Variants in CKMT2 observed in about 807,000 individuals in gnomAD.
CKMT2 encodes creatine kinase S-type, mitochondrial.
CKMT2 carries 43 observed loss-of-function variants against 48.9 expected under a neutral mutation model. The observed-to-expected ratio is 0.88, with a 90% CI of 0.69 to 1.13. CKMT2 has a LOEUF of 1.13. Among genes scored for constraint, CKMT2 ranks in the 50% most tolerant of loss-of-function variants. The probability of loss-of-function intolerance (pLI) is 0.00; values close to 1 mark genes in which losing one functional copy is unlikely to be tolerated. For missense variants in CKMT2, 472 were observed against 555.4 expected (o/e 0.85, Z 1.51); for synonymous variants, 206 against 213.0 (o/e 0.97, Z 0.29).
chr5:81,259,264 T>A lies in CKMT2; in HGVS notation c.1014+10T>A. 6.2e-7 allele frequency: 1 copy of A among 1,610,290 alleles called. No individual in the cohort carries two copies. Among genetic ancestry groups the A allele is most frequent in the Non-Finnish European group, 8.5e-7 (1 of 1,178,084 alleles). Reference sequence around the variant, plus strand: ...CCCAAAGCTCAGCAAGGTACTGTTATGTGCCCAGTGGCCCTGATGGGCCAG... The same window carrying A: ...CCCAAAGCTCAGCAAGGTACTGTTAAGTGCCCAGTGGCCCTGATGGGCCAG... On this transcript the variant is annotated intron_variant, in intron 8 of 9. Transcript: ENST00000254035.
Position 81,254,413 on chromosome 5 carries a change from T to G in CKMT2, c.369T>G (p.Phe123Leu). 6.2e-7 allele frequency: 1 copy of G among 1,614,110 alleles called. No individual in the cohort carries two copies. Among genetic ancestry groups the G allele is most frequent in the East Asian group, 2.2e-5 (1 of 44,882 alleles). ...TCCTGCAGGTGTTTGCTGACCTTTT[T>G]GACCCCGTCATCAAACTAAGACACA... is the stretch of plus-strand genomic sequence containing the variant. ...EESYEVFADLFDPVIKLRHNG... is the reference protein window; with the variant it reads ...EESYEVFADLLDPVIKLRHNG... The change falls in exon 4 of 10, where the codon TTT becomes TTG. Residue 123 changes from phenylalanine to leucine, a missense_variant. By Grantham distance (22) the Phe-to-Leu change is conservative. Transcript: ENST00000254035.
chr5:81,254,728 C>G (rs1756937582), intron 4 of CKMT2: 1 of 595,462 alleles, frequency 1.7e-6, no homozygotes, highest in Non-Finnish European at 3.0e-6. Flanking sequence ...TTAAACCTTT[C>G]CTAAAGCTAC....
At chr5:81,257,668 T>A (rs973974612) in intron 6 of CKMT2, 65 bp from the exon 7 acceptor site, 2 of 1,470,714 alleles carry the variant, frequency 1.4e-6, no homozygotes, top group African/African-American at 2.8e-5. Context: ...AGGGAGGTAA[T>A]GGGAATTTTC....
chr5:81,234,305 T>A (rs1388786600), intron 1 of CKMT2, among the ~76,000 whole-genome samples: 1 of 151,892 alleles, frequency 6.6e-6, no homozygotes, highest in East Asian at 1.9e-4. Context: ...GTCAGCTGAG[T>A]CAAGTGAGGG....
In CKMT2 at chr5:81,254,401, T is replaced by G; in HGVS notation, c.357T>G (p.Phe119Leu). 6.2e-7 allele frequency: 1 copy of G among 1,614,086 alleles called. No homozygotes were observed. Among genetic ancestry groups the G allele is most frequent in the Non-Finnish European group, 8.5e-7 (1 of 1,179,936 alleles). ...VAGDEESYEV[F>L]ADLFDPVIKL... ...ACCCATCTTCCCTCCTGCAGGTGTT[T>G]GCTGACCTTTTTGACCCCGTCATCA... The change falls in exon 4 of 10, where the codon TTT becomes TTG. Residue 119 changes from phenylalanine (F) to leucine (L), a missense_variant. By Grantham distance (22) the Phe-to-Leu change is conservative. Transcript: ENST00000254035.
At chr5:81,242,877 T>C (rs1212367156) in intron 1 of CKMT2, among the ~76,000 whole-genome samples, 1 of 152,198 alleles carries the variant, frequency 6.6e-6, no homozygotes, top group African/African-American at 2.4e-5. Flanking sequence ...GTGTGGGAAT[T>C]GTTTTCTGAA....
Position 81,257,841 on chromosome 5 carries a change from T to G in CKMT2, c.864T>G (p.Cys288Trp). ...TGAAACGAGTATTTGAGCGATTCTG[T>G]CGTGGACTAAAAGAAGTAAGATGTT... ...GNMKRVFERF[C>W]RGLKEVERLI... The change falls in exon 7 of 10, where the codon TGT becomes TGG. Residue 288 changes from cysteine to tryptophan, a missense_variant. Physicochemically the swap from Cys to Trp is radical, Grantham distance 215. Transcript: ENST00000254035. 7 of 1,613,270 alleles carry G rather than the reference T, an allele frequency of 4.3e-6. No individual in the cohort carries two copies. The highest frequency in any genetic ancestry group is 5.9e-6 in the Non-Finnish European group (7 of 1,179,550).
At position 81,251,283 on chromosome 5, in the gene CKMT2, A is replaced by C; in HGVS notation, c.151A>C (p.Ser51Arg). ...GGAGCAGCCTAGGCTATTTCCTCCA[A>C]GGTAAGGGCTCCTGACTTTAAAATA... The part of the protein sequence containing the change: ...VREQPRLFPP[S>R]ADYPDLRKHN... The change falls in exon 2 of 10, where the codon AGC becomes CGC. Residue 51 changes from serine (S) to arginine (R), a missense_variant and splice_region_variant. Coordinates refer to ENST00000254035, the MANE Select transcript of CKMT2 (RefSeq NM_001099735.2). 1.9e-6 allele frequency: 3 copies of C among 1,613,772 alleles called. No homozygotes were observed. Among genetic ancestry groups the C allele is most frequent in the Non-Finnish European group, 1.7e-6 (2 of 1,179,904 alleles).
chr5:81,263,875 G>A (rs1327246554), intron 9 of CKMT2, among the ~76,000 whole-genome samples: 5 of 152,216 alleles, frequency 3.3e-5, no homozygotes, highest in Non-Finnish European at 7.3e-5. Context: ...GACCTGCCAT[G>A]AGAGCTATTC....
Position 81,251,093 on chromosome 5 carries a change from C to A in CKMT2, c.-20-20C>A, listed in dbSNP as rs1181980477. The stretch of plus-strand genomic sequence containing the variant: ...GGGTCATCCTATGAAGCTATCTAAT[C>A]CAGCTTCTTTGCTTTCCAGACACTC... On this transcript the variant is annotated intron_variant, in intron 1 of 9. Coordinates refer to ENST00000254035, the MANE Select transcript of CKMT2 (RefSeq NM_001099735.2). 1.9e-6 allele frequency: 3 copies of A among 1,604,976 alleles called. No homozygotes were observed. The highest frequency in any genetic ancestry group is 3.3e-5 in the Admixed American group (2 of 59,804).
At chr5:81,266,058 T>TATCA in intron 9 of CKMT2, 81 bp from the exon 10 acceptor site, 1 of 1,312,282 alleles carries the variant, frequency 7.6e-7, no homozygotes, top group Admixed American at 2.0e-5. Context: ...AGTTCTCATT[T>TATCA]ATCACAGTGC....
rs1756800926 is a variant in CKMT2, at chr5:81,251,201, C to A, written c.69C>A (p.Thr23=). The A allele has an allele frequency of 6.2e-7, 1 of 1,613,980 alleles. No individual in the cohort carries two copies. The highest frequency in any genetic ancestry group is 8.5e-7 in the Non-Finnish European group (1 of 1,180,014). ...CTCTGCTGTTTGCTACCATGGGCAC[C>A]AGTGTCCTGACCACCGGGTACCTGC... The part of the protein sequence containing the change: ...NASLLFATMG[T]SVLTTGYLLN... The change falls in exon 2 of 10, where the codon ACC becomes ACA. Residue 23 remains threonine (T), a synonymous_variant. Coordinates refer to ENST00000254035, the MANE Select transcript of CKMT2 (RefSeq NM_001099735.2).
chr5:81,266,372 C>G lies in CKMT2; in HGVS notation c.*114C>G. ...ATATAAAATTGTAGATCCTGCCTAT[C>G]TTTACAATAAAACTCTCCTTAATAT... On this transcript the variant is annotated 3_prime_UTR_variant, in exon 10 of 10. Transcript: ENST00000254035. The G allele has an allele frequency of 9.9e-7, 1 of 1,008,570 alleles. No individual in the cohort carries two copies. Among genetic ancestry groups the G allele is most frequent in the Non-Finnish European group, 1.4e-6 (1 of 692,398 alleles). The allele number at this position is 1,008,570 out of a possible 1,614,324, so 62.5% of individuals were successfully genotyped here.
intron 1 of CKMT2, among the ~76,000 whole-genome samples, chr5:81,242,950 G>A (rs1202402925): frequency 6.6e-6 from 1 of 152,200 alleles, no homozygotes; most frequent in African/African-American, 2.4e-5. Context: ...CAAACATTTT[G>A]TGACTCTGAC....
intron 8 of CKMT2, among the ~76,000 whole-genome samples, chr5:81,260,238 A>G (rs1757166532): frequency 6.6e-6 from 1 of 152,220 alleles, no homozygotes; most frequent in Non-Finnish European, 1.5e-5. Context: ...AGGGAAATTT[A>G]TAGCAGCAAA....
At chr5:81,257,933 A>ATGGTAACTTCC in intron 7 of CKMT2, 77 bp downstream of exon 7, 1 of 1,408,852 alleles carries the variant, frequency 7.1e-7, no homozygotes, top group Non-Finnish European at 9.5e-7. Flanking sequence ...AGAAGACACT[A>ATGGTAACTTCC]TGGTAACTTC....
At chr5:81,236,202 G>A (rs1756238940) in intron 1 of CKMT2, 1 of 152,236 alleles carries the variant, frequency 6.6e-6, no homozygotes, top group Admixed American at 6.5e-5. Context: ...CCTGTGCCTA[G>A]GAGCTGCTGT....
chr5:81,265,993 T>C (rs1169099029), intron 9 of CKMT2, 146 bp from the exon 10 acceptor site: 4 of 650,676 alleles, frequency 6.1e-6, no homozygotes, highest in Non-Finnish European at 7.9e-6. Context: ...CCCTTATATC[T>C]CTGCCTTCCA....
intron 8 of CKMT2, 70 bp from the exon 9 acceptor site, chr5:81,263,421 A>C (rs1757294726): frequency 8.5e-7 from 1 of 1,170,954 alleles, no homozygotes. Context: ...GTCTTTTGTC[A>C]GTAAACGCAC....
Sources: gnomAD v4.1 joint callset for allele counts (sites outside exome capture counted in the v4.1 genomes callset) on GRCh38, gnomAD v4.1.1 for gene constraint, MANE v1.5 for transcripts, NCBI Gene and HGNC (gene_info 2026-07-23, HGNC 2026-07-21) for gene names.